Variants in CSGALNACT1 observed in about 807,000 individuals in gnomAD.
CSGALNACT1 encodes beta4GalNAcT-1.
In CSGALNACT1, 52 loss-of-function variants were observed where a neutral mutation model predicts 51.0. The observed-to-expected ratio is 1.02, with a 90% CI of 0.82 to 1.29. The LOEUF (loss-of-function observed/expected upper bound fraction) is 1.29, where lower values mean the gene tolerates loss of function less well. CSGALNACT1 is among the 50% of genes most tolerant of loss of function. The pLI is 0.00. For synonymous variants in CSGALNACT1, 341 were observed against 254.4 expected, an observed-to-expected ratio of 1.34 and a Z score of -3.24; for missense variants, 935 against 679.2, an observed-to-expected ratio of 1.38 and a Z score of -4.19.
At chr8:19,647,268 G>A (rs1183876140) in intron 1 of CSGALNACT1, among the ~76,000 whole-genome samples, 3 of 151,986 alleles carry the variant, frequency 2.0e-5, no homozygotes, top group Non-Finnish European at 4.4e-5. Context: ...ATGGCTACAC[G>A]AGGCTACACA....
intron 2 of CSGALNACT1, among the ~76,000 whole-genome samples, chr8:19,595,390 A>T (rs1448382995): frequency 1.3e-5 from 2 of 152,218 alleles, no homozygotes; most frequent in Non-Finnish European, 2.9e-5. Context: ...TTAAAGTCCA[A>T]CACGCAGTAA....
At chr8:19,678,938 G>A (rs1245982665) in intron 1 of CSGALNACT1, 6 of 152,308 alleles carry the variant, frequency 3.9e-5, no homozygotes, top group Middle Eastern at 3.4e-3. Flanking sequence ...GCCATCCCAT[G>A]CTGGGAGCTT....
chr8:19,500,669 T>A (rs1487038828), intron 4 of CSGALNACT1, among the ~76,000 whole-genome samples: 1 of 152,144 alleles, frequency 6.6e-6, no homozygotes, highest in Non-Finnish European at 1.5e-5. Flanking sequence ...CGTGAGGTGT[T>A]TGTTGAAGAG....
At chr8:19,618,653 A>AAGAAAG (rs1554765868) in intron 1 of CSGALNACT1, among the ~76,000 whole-genome samples, 17 of 91,402 alleles carry the variant, frequency 1.9e-4, no homozygotes, top group African/African-American at 8.7e-4. Flanking sequence ...AAAAAAAAAA[A>AAGAAAG]AAAGAAAGAA....
intron 3 of CSGALNACT1, among the ~76,000 whole-genome samples, chr8:19,586,504 T>C (rs1034047509): frequency 6.6e-6 from 1 of 151,992 alleles, no homozygotes; most frequent in African/African-American, 2.4e-5. Context: ...GGGACACTTT[T>C]CAAAATTGCA....
chr8:19,712,397 T>C (rs963717802), intron 1 of CSGALNACT1, among the ~76,000 whole-genome samples: 3 of 152,114 alleles, frequency 2.0e-5, no homozygotes, highest in African/African-American at 4.8e-5. Context: ...AGTTGGAGGA[T>C]GGAAGTACCT....
intron 6 of CSGALNACT1, among the ~76,000 whole-genome samples, chr8:19,432,371 T>A (rs190726166): frequency 7.7e-4 from 117 of 152,318 alleles, no homozygotes; most frequent in Non-Finnish European, 1.2e-3. Flanking sequence ...TCTTTCTCTG[T>A]CTTTGGATTT....
intron 5 of CSGALNACT1, among the ~76,000 whole-genome samples, chr8:19,451,642 T>A (rs2063201134): frequency 6.6e-6 from 1 of 152,158 alleles, no homozygotes; most frequent in Non-Finnish European, 1.5e-5. Context: ...GACCTAGCCT[T>A]CCCCAAGACC....
intron 1 of CSGALNACT1, among the ~76,000 whole-genome samples, chr8:19,704,108 C>T (rs1012085081): frequency 1.2e-4 from 19 of 152,192 alleles, no homozygotes; most frequent in African/African-American, 4.6e-4. Context: ...ATTAACCAAG[C>T]TTGATGGTTA....
chr8:19,687,996 G>A (rs2061072878), intron 1 of CSGALNACT1, among the ~76,000 whole-genome samples: 1 of 152,132 alleles, frequency 6.6e-6, no homozygotes, highest in Admixed American at 6.5e-5. Context: ...TGGTTTGCAA[G>A]GTACAATTTA....
chr8:19,519,947 T>A (rs1474404277), intron 3 of CSGALNACT1, among the ~76,000 whole-genome samples: 2 of 152,298 alleles, frequency 1.3e-5, no homozygotes, highest in South Asian at 4.2e-4. Flanking sequence ...CTGGGAACAT[T>A]CCTACACTGA....
intron 4 of CSGALNACT1, among the ~76,000 whole-genome samples, chr8:19,491,787 TA>T (rs1474529236): frequency 6.6e-6 from 1 of 152,256 alleles, no homozygotes; most frequent in Non-Finnish European, 1.5e-5. Context: ...TGTTGTGCAG[TA>T]ATTTGCAAAC....
intron 1 of CSGALNACT1, among the ~76,000 whole-genome samples, chr8:19,654,460 A>G (rs2154186111): frequency 6.6e-6 from 1 of 152,338 alleles, no homozygotes; most frequent in East Asian, 1.9e-4. Context: ...CCAACTCCTT[A>G]ATGGTTGAGT....
At chr8:19,534,649 A>T (rs781193333) in intron 3 of CSGALNACT1, among the ~76,000 whole-genome samples, 7 of 152,276 alleles carry the variant, frequency 4.6e-5, no homozygotes, top group Admixed American at 1.3e-4. Context: ...TCTTGGCATG[A>T]CTAAAAGCAG....
intron 4 of CSGALNACT1, among the ~76,000 whole-genome samples, chr8:19,490,122 G>C (rs910493054): frequency 6.6e-6 from 1 of 152,134 alleles, no homozygotes; most frequent in East Asian, 1.9e-4. Flanking sequence ...AGCCAATCCT[G>C]ATCAATAGCC....
At chr8:19,600,829 G>GAA (rs568732433) in intron 2 of CSGALNACT1, among the ~76,000 whole-genome samples, 46 of 136,644 alleles carry the variant, frequency 3.4e-4, no homozygotes, top group African/African-American at 4.3e-4. Flanking sequence ...AAAGTTTTTG[G>GAA]AAAAAAAAAA....
At chr8:19,406,856 A>T (rs757280683) in intron 9 of CSGALNACT1, among the ~76,000 whole-genome samples, 2 of 152,096 alleles carry the variant, frequency 1.3e-5, no homozygotes, top group Non-Finnish European at 2.9e-5. Flanking sequence ...CAACAGGCAC[A>T]TGTCACCATG....
chr8:19,738,454 G>A (rs999200312), intron 1 of CSGALNACT1, among the ~76,000 whole-genome samples: 5 of 152,142 alleles, frequency 3.3e-5, no homozygotes, highest in African/African-American at 1.2e-4. Flanking sequence ...AAGGTAGAAT[G>A]GTGGTTGTCA....
At chr8:19,418,281 C>G (rs1298690782) in intron 8 of CSGALNACT1, among the ~76,000 whole-genome samples, 1 of 152,106 alleles carries the variant, frequency 6.6e-6, no homozygotes, top group Non-Finnish European at 1.5e-5. Flanking sequence ...GTGAGCCACC[C>G]CATTCTGATT....
Sources: allele counts gnomAD v4.1 joint callset (sites outside exome capture counted in the v4.1 genomes callset), GRCh38; gene constraint gnomAD v4.1.1; transcripts MANE v1.5; gene names NCBI Gene and HGNC (gene_info 2026-07-23, HGNC 2026-07-21).